The following PRDM2 variants were observed in gnomAD, a reference collection of about 807,000 sequenced individuals.
PRDM2 encodes the protein PR domain zinc finger protein 2.
PRDM2 carries 30 observed loss-of-function variants against 130.0 expected under a neutral mutation model. That is an observed-to-expected ratio of 0.23 (90% confidence interval 0.17 to 0.31). The LOEUF (loss-of-function observed/expected upper bound fraction) is 0.31. Ranked by LOEUF, PRDM2 falls within the 10% of genes least tolerant of loss-of-function variation. The pLI is 1.00. For synonymous variants in PRDM2, 871 were observed against 782.4 expected (o/e 1.11, Z -1.89); for missense variants, 2,011 against 2,108.4 (o/e 0.95, Z 0.90).
chr1:13,797,955 T>C (rs1316271829), intron 8 of PRDM2, among the ~76,000 whole-genome samples: 2 of 152,238 alleles, frequency 1.3e-5, no homozygotes, highest in African/African-American at 4.8e-5. Context: ...ACCATCTCTT[T>C]GATATACTTA....
intron 8 of PRDM2, among the ~76,000 whole-genome samples, chr1:13,812,091 G>C (rs1274319418): frequency 6.6e-6 from 1 of 152,212 alleles, no homozygotes; most frequent in African/African-American, 2.4e-5. Flanking sequence ...CCAGTGTCGT[G>C]GTCATGTCCG....
At chr1:13,790,312 A>G (rs1372178445) in intron 8 of PRDM2, among the ~76,000 whole-genome samples, 1 of 152,178 alleles carries the variant, frequency 6.6e-6, no homozygotes, top group Non-Finnish European at 1.5e-5. Flanking sequence ...ATTATCCTGC[A>G]AAGTGGGCAC....
chr1:13,819,015 A>G (rs1208286593), intron 9 of PRDM2, among the ~76,000 whole-genome samples: 1 of 152,206 alleles, frequency 6.6e-6, no homozygotes, highest in Non-Finnish European at 1.5e-5. Flanking sequence ...TCTTCTGGAA[A>G]GTGAGAGGCC....
Position 13,749,500 on chromosome 1 carries a change from C to G in PRDM2, c.511+13C>G, listed in dbSNP as rs1643738013. 2.2e-6 allele frequency: 3 copies of G among 1,352,042 alleles called. No individual in the cohort carries two copies. Among genetic ancestry groups the G allele is most frequent in the African/African-American group, 1.6e-5 (1 of 63,962 alleles). 83.8% of individuals were successfully genotyped at this position (1,352,042 alleles called of 1,614,324 possible). ...AAGAGCCGGAAAGGTAGGAGCCCCC[C>G]GGCCCGCCCGCCCGGCCCCGGCGCC... On this transcript the variant is annotated intron_variant, in intron 6 of 9. Coordinates refer to ENST00000311066, the MANE Select transcript of PRDM2 (RefSeq NM_001393986.1).
intron 6 of PRDM2, among the ~76,000 whole-genome samples, chr1:13,767,654 A>G (rs1300179225): frequency 6.6e-6 from 1 of 151,968 alleles, no homozygotes; most frequent in African/African-American, 2.4e-5. Context: ...AAACCAGTGA[A>G]ATAATGGATC....
intron 4 of PRDM2, among the ~76,000 whole-genome samples, chr1:13,736,228 C>T (rs551784158): frequency 6.6e-6 from 1 of 151,948 alleles, no homozygotes; most frequent in East Asian, 1.9e-4. Flanking sequence ...CCTGCCTCAG[C>T]CTCCCGAGTA....
chr1:13,770,130 A>G (rs1644324990), intron 6 of PRDM2, among the ~76,000 whole-genome samples: 1 of 152,132 alleles, frequency 6.6e-6, no homozygotes, highest in Non-Finnish European at 1.5e-5. Context: ...CTGGAGATGT[A>G]CCTACTGCAA....
At chr1:13,713,891 C>T (rs567825770) in intron 1 of PRDM2, among the ~76,000 whole-genome samples, 8 of 151,452 alleles carry the variant, frequency 5.3e-5, no homozygotes, top group East Asian at 3.9e-4. Flanking sequence ...TTTTTTGAGA[C>T]GGAGTCTCGC....
chr1:13,705,636 T>G (rs1362312522), intron 1 of PRDM2: 1 of 152,144 alleles, frequency 6.6e-6, no homozygotes, highest in Non-Finnish European at 1.5e-5. Context: ...TTCTTCCACT[T>G]GAGACTGAGG....
At chr1:13,755,929 C>T (rs376289930) in intron 6 of PRDM2, among the ~76,000 whole-genome samples, 38 of 151,916 alleles carry the variant, frequency 2.5e-4, no homozygotes, top group African/African-American at 8.7e-4. Context: ...CAGGGTGTAG[C>T]TTTGTATTTA....
Position 13,780,422 on chromosome 1 carries a change from G to T in PRDM2, c.2627G>T (p.Ser876Ile). ...AGTCATTCAGTGCAGCCTACGTGTA[G>T]TGCTGTAAAGAAAAGGAAACCAACC... is the stretch of plus-strand genomic sequence containing the variant. ...KESHSVQPTC[S>I]AVKKRKPTTC... is the part of the protein sequence containing the mutation. Residue 876 changes from serine (S) to isoleucine (I), a missense_variant, in exon 8 of 10, where the codon AGT becomes ATT. Around this residue, in one of 5 missense-constraint regions of PRDM2, gnomAD observed 1,288 missense variants for 1,237.7 expected, o/e 1.04. Transcript: ENST00000311066. 6.2e-7 allele frequency: 1 copy of T among 1,614,218 alleles called. No homozygotes were observed. Among genetic ancestry groups the T allele is most frequent in the Non-Finnish European group, 8.5e-7 (1 of 1,180,048 alleles).
intron 2 of PRDM2, among the ~76,000 whole-genome samples, chr1:13,718,369 G>A (rs538258709): frequency 2.0e-5 from 3 of 152,134 alleles, no homozygotes; most frequent in Non-Finnish European, 2.9e-5. Flanking sequence ...AGGGACTGCA[G>A]GATCCTCGTC....
At chr1:13,769,925 A>G (rs2359756) in intron 6 of PRDM2, among the ~76,000 whole-genome samples, 68,419 of 151,926 alleles carry the variant, frequency 0.45, 16,893 homozygotes, top group African/African-American at 0.66. Context: ...GATTGTCACA[A>G]TTAGAAGGGG....
intron 1 of PRDM2, among the ~76,000 whole-genome samples, chr1:13,706,524 A>G (rs181104921): frequency 1.3e-5 from 2 of 151,864 alleles, no homozygotes; most frequent in Admixed American, 6.6e-5. Flanking sequence ...AGGATTAGCA[A>G]CTCCTCACAC....
At position 13,779,893 on chromosome 1, in the gene PRDM2, A is replaced by G; in HGVS notation, c.2098A>G (p.Lys700Glu). The G allele has an allele frequency of 6.4e-7, 1 of 1,572,004 alleles. No individual in the cohort carries two copies. Among genetic ancestry groups the G allele is most frequent in the Non-Finnish European group, 8.6e-7 (1 of 1,165,508 alleles). The change falls in exon 8 of 10, where the codon AAA becomes GAA. Residue 700 changes from lysine (K) to glutamate (E), a missense_variant. Coordinates refer to ENST00000311066, the MANE Select transcript of PRDM2 (RefSeq NM_001393986.1). The surrounding 1 kb of genome is among the most constrained non-coding windows in gnomAD (Gnocchi z 4.9). ...KLKQLLQTQDKLTPAGISATE... is the reference protein window; with the variant it reads ...KLKQLLQTQDELTPAGISATE... ...CAAACAACTTCTTCAAACCCAAGAT[A>G]AACTAACTCCTGCAGGGATTTCAGC...
rs1273218449 is a variant in PRDM2 at position 13,782,451 on chromosome 1, G to A, written c.4656G>A (p.Arg1552=). ...TQVPLPSSSF[R]SKQNVKFAAS... Reference sequence around the variant, plus strand: ...TCCCACTTCCCTCCTCATCCTTCAGGTCCAAGCAGAACGTCAAGTTTGCAG... The same window carrying A: ...TCCCACTTCCCTCCTCATCCTTCAGATCCAAGCAGAACGTCAAGTTTGCAG... Residue 1552 remains arginine, a synonymous_variant, in exon 8 of 10, where the codon AGG becomes AGA. Transcript: ENST00000311066. 2 of 1,613,906 alleles carry A rather than the reference G, an allele frequency of 1.2e-6. No individual in the cohort carries two copies. The highest frequency in any genetic ancestry group is 1.7e-5 in the Admixed American group (1 of 59,968).
intron 8 of PRDM2, among the ~76,000 whole-genome samples, chr1:13,798,101 G>T (rs1050268968): frequency 2.6e-5 from 4 of 152,072 alleles, no homozygotes; most frequent in African/African-American, 9.7e-5. Flanking sequence ...GGGAATTGGG[G>T]GTTCGCCAAC....
At chr1:13,776,613 G>A (rs993943458) in intron 7 of PRDM2, among the ~76,000 whole-genome samples, 1 of 152,066 alleles carries the variant, frequency 6.6e-6, no homozygotes, top group African/African-American at 2.4e-5. Flanking sequence ...TTAGACATTT[G>A]TCCCCACTAC....
chr1:13,774,348 G>A (rs1275207546), intron 7 of PRDM2, among the ~76,000 whole-genome samples: 1 of 152,210 alleles, frequency 6.6e-6, no homozygotes, highest in Non-Finnish European at 1.5e-5. Context: ...ACAGGTTTGT[G>A]ACTCTTTTAA....
Sources: gnomAD v4.1 joint callset for allele counts (sites outside exome capture counted in the v4.1 genomes callset) on GRCh38, gnomAD v4.1.1 for gene constraint, gnomAD v4.1.1 regional missense constraint, Gnocchi (gnomAD v3.1) non-coding constraint, MANE v1.5 for transcripts, NCBI Gene and HGNC (gene_info 2026-07-23, HGNC 2026-07-21) for gene names.